The following DOCK4 variants were observed in gnomAD, a reference collection of about 807,000 sequenced individuals.
DOCK4 encodes the protein dedicator of cytokinesis protein 4.
DOCK4 carries 97 observed loss-of-function variants against 268.1 expected under a neutral mutation model. That is an observed-to-expected ratio of 0.36 (90% confidence interval 0.31 to 0.43). The LOEUF is 0.43. DOCK4 is among the 20% of genes least tolerant of loss of function. DOCK4 has a pLI of 1.00. For missense variants in DOCK4, 2,145 were observed against 2,455.7 expected, an observed-to-expected ratio of 0.87 and a Z score of 2.67; for synonymous variants, 954 against 887.2, an observed-to-expected ratio of 1.08 and a Z score of -1.34.
rs183898292 is a variant in DOCK4 at position 111,895,250 on chromosome 7, C to T, written c.1587+362G>A. On this transcript the variant is annotated intron_variant, in intron 16 of 52. Transcript: ENST00000428084. ...ACAAAAAAAAGCAATGCTGACCTTG[C>T]TAAATTTACTTCTGGGGATACACAG... 4.6e-5 allele frequency among the ~76,000 whole-genome samples: 7 copies of T among 152,222 alleles called. No homozygotes were observed. The East Asian group carries it at 1.4e-3, about 29-fold the overall frequency.
chr7:111,805,979 C>T (rs1800636395), intron 30 of DOCK4, among the ~76,000 whole-genome samples: 1 of 152,134 alleles, frequency 6.6e-6, no homozygotes, highest in African/African-American at 2.4e-5. Flanking sequence ...CTTTGTCAAG[C>T]TTTGTCATAG....
chr7:112,184,534 C>G (rs1299520544), intron 1 of DOCK4, among the ~76,000 whole-genome samples: 2 of 151,208 alleles, frequency 1.3e-5, no homozygotes, highest in Non-Finnish European at 3.0e-5. Context: ...TTTTTTTTTC[C>G]TTTTGGAGCA....
intron 13 of DOCK4, among the ~76,000 whole-genome samples, chr7:111,906,776 A>G (rs1194675416): frequency 6.6e-6 from 1 of 152,190 alleles, no homozygotes; most frequent in Non-Finnish European, 1.5e-5. Context: ...AGAGGCCGGA[A>G]TGACTTGGGT....
At position 112,206,146 on chromosome 7, in the gene DOCK4, G is replaced by A; in HGVS notation, c.-8C>T. 2 of 1,579,240 alleles carry A rather than the reference G, an allele frequency of 1.3e-6. No individual in the cohort carries two copies. The highest frequency in any genetic ancestry group is 8.6e-7 in the Non-Finnish European group (1 of 1,162,312). On this transcript the variant is annotated 5_prime_UTR_variant, in exon 1 of 53. Transcript: ENST00000428084. ...CTCCGTAGGTATCCACATGGCTAAA[G>A]GGGCTCCGGGGTCTTCAGGCTTTGT... is the stretch of plus-strand genomic sequence containing the variant.
At position 111,765,168 on chromosome 7, in the gene DOCK4, C is replaced by A; in HGVS notation, c.3970G>T (p.Glu1324Ter). The A allele has an allele frequency of 6.4e-7, 1 of 1,554,002 alleles. No individual in the cohort carries two copies. The highest frequency in any genetic ancestry group is 1.2e-5 in the South Asian group (1 of 80,276). Residue 1324 changes from glutamate to a stop codon, truncating the protein, a stop_gained, in exon 39 of 53, where the codon GAG becomes TAG. Transcript: ENST00000428084. LOFTEE classifies it high-confidence loss of function. ...CCATAAAATCCAACTCTGAAGAACT[C>A]TGGTTCAAGACGTTGCTGGTCCATA... ...KIMDQQRLEPEFFRVGFYGKK... is the reference protein window; with the variant it reads ...KIMDQQRLEP
At chr7:112,088,167 T>C (rs79508801) in intron 1 of DOCK4, among the ~76,000 whole-genome samples, 2 of 152,030 alleles carry the variant, frequency 1.3e-5, no homozygotes. Flanking sequence ...TAAAATCACA[T>C]CTTCAGGCAG....
intron 26 of DOCK4, among the ~76,000 whole-genome samples, chr7:111,832,131 G>C (rs1473359875): frequency 6.6e-6 from 1 of 152,150 alleles, no homozygotes; most frequent in Non-Finnish European, 1.5e-5. Flanking sequence ...TTATAAAGGT[G>C]GGGTAGAGAG....
In DOCK4 at chr7:111,739,114, C is replaced by T; in HGVS notation, c.5232+20G>A. ...CAGAATTGTCCTTGTTTTCTAGTTT[C>T]TCTACCCTACAAGGAGTACCTGCGA... On this transcript the variant is annotated intron_variant, in intron 49 of 52. Transcript: ENST00000428084. 1 of 1,590,206 alleles carries T rather than the reference C, an allele frequency of 6.3e-7. No individual in the cohort carries two copies. The highest frequency in any genetic ancestry group is 8.6e-7 in the Non-Finnish European group (1 of 1,158,728).
Position 112,110,381 on chromosome 7 carries a change from T to C in DOCK4, c.37+95721A>G, listed in dbSNP as rs548909259. On this transcript the variant is annotated intron_variant, in intron 1 of 52. Transcript: ENST00000428084. The stretch of plus-strand genomic sequence containing the variant: ...GATTGAGTCCAGGGTGATATATTTA[T>C]AGATCTACTACGTGTCCATCCATCT... Among the ~76,000 whole-genome samples the C allele has an allele frequency of 4.9e-4, 75 of 152,322 alleles. No individual in the cohort carries two copies. The South Asian group carries it at 0.015, about 31-fold the overall frequency.
chr7:112,007,289 C>T (rs1249746189), intron 1 of DOCK4, among the ~76,000 whole-genome samples: 2 of 152,032 alleles, frequency 1.3e-5, no homozygotes, highest in Non-Finnish European at 2.9e-5. Context: ...GCATGAACAT[C>T]TGAGTATAAG....
intron 1 of DOCK4, among the ~76,000 whole-genome samples, chr7:112,098,326 G>C (rs1398644236): frequency 6.6e-6 from 1 of 151,882 alleles, no homozygotes; most frequent in Non-Finnish European, 1.5e-5. Flanking sequence ...TTACAGGCGT[G>C]CACCACCACA....
intron 1 of DOCK4, among the ~76,000 whole-genome samples, chr7:112,047,084 G>C (rs1057195387): frequency 6.6e-5 from 10 of 152,102 alleles, no homozygotes; most frequent in Admixed American, 6.5e-5. Flanking sequence ...ATTCACATGG[G>C]GCCTGTTCCC....
intron 1 of DOCK4, among the ~76,000 whole-genome samples, chr7:112,042,338 T>C (rs546396895): frequency 1.3e-5 from 2 of 152,308 alleles, no homozygotes; most frequent in African/African-American, 4.8e-5. Context: ...GCTCATGTCT[T>C]ATCTGCCTAA....
intron 1 of DOCK4, among the ~76,000 whole-genome samples, chr7:112,195,634 A>T (rs1301915809): frequency 1.3e-5 from 2 of 151,924 alleles, no homozygotes; most frequent in Non-Finnish European, 2.9e-5. Context: ...ATGTACATGC[A>T]TCCCCACGTT....
chr7:111,987,913 T>G (rs980829327), intron 6 of DOCK4, among the ~76,000 whole-genome samples: 8 of 152,198 alleles, frequency 5.3e-5, no homozygotes, highest in African/African-American at 1.9e-4. Context: ...GCACATCCTA[T>G]TCAACAAAAT....
intron 1 of DOCK4, among the ~76,000 whole-genome samples, chr7:112,098,646 T>C (rs1053256051): frequency 1.3e-5 from 2 of 149,506 alleles, no homozygotes; most frequent in Admixed American, 1.3e-4. Flanking sequence ...TTATATAGAT[T>C]ATGTAAAATT....
intron 13 of DOCK4, among the ~76,000 whole-genome samples, chr7:111,910,264 GC>G (rs1791985458): frequency 6.6e-6 from 1 of 152,200 alleles, no homozygotes; most frequent in African/African-American, 2.4e-5. Flanking sequence ...ACATCAGCCA[GC>G]TTTGCTCCAG....
chr7:112,138,303 C>T (rs919377010), intron 1 of DOCK4, among the ~76,000 whole-genome samples: 1 of 152,128 alleles, frequency 6.6e-6, no homozygotes, highest in Non-Finnish European at 1.5e-5. Context: ...ACTATTTTGT[C>T]ACACCTGGCT....
intron 16 of DOCK4, among the ~76,000 whole-genome samples, chr7:111,884,615 GA>G (rs1294856157): frequency 6.6e-6 from 1 of 152,154 alleles, no homozygotes; most frequent in African/African-American, 2.4e-5. Flanking sequence ...ATATGGAGCT[GA>G]AATAATTTCA....
Sources: allele counts gnomAD v4.1 joint callset (sites outside exome capture counted in the v4.1 genomes callset), GRCh38; gene constraint gnomAD v4.1.1; transcripts MANE v1.5; gene names NCBI Gene and HGNC (gene_info 2026-07-23, HGNC 2026-07-21).